Variants in LRMDA observed in about 807,000 individuals in gnomAD.
LRMDA encodes the protein leucine-rich melanocyte differentiation-associated protein.
Under a neutral mutation model 29.8 loss-of-function variants are expected in LRMDA, and 18 were observed. The observed-to-expected ratio is 0.60, with a 90% CI of 0.42 to 0.90. LRMDA has a LOEUF of 0.90. Among genes scored for constraint, LRMDA ranks in the 40% least tolerant of loss-of-function variants. The pLI is 0.00. For synonymous variants in LRMDA, 125 were observed against 109.4 expected, an observed-to-expected ratio of 1.14 and a Z score of -0.89; for missense variants, 273 against 273.9, an observed-to-expected ratio of 1.00 and a Z score of 0.02.
intron 2 of LRMDA, among the ~76,000 whole-genome samples, chr10:75,570,195 A>G (rs952108282): frequency 4.6e-5 from 7 of 152,228 alleles, no homozygotes; most frequent in African/African-American, 1.7e-4. Context: ...CCTCATCTAT[A>G]AAATGGAAGT....
intron 2 of LRMDA, among the ~76,000 whole-genome samples, chr10:75,930,240 T>G (rs1005352898): frequency 6.6e-6 from 1 of 152,118 alleles, no homozygotes; most frequent in Non-Finnish European, 1.5e-5. Context: ...AATCACTGTT[T>G]AGGAATTTAA....
intron 6 of LRMDA, among the ~76,000 whole-genome samples, chr10:76,501,402 A>G (rs545719614): frequency 6.6e-6 from 1 of 152,050 alleles, no homozygotes; most frequent in African/African-American, 2.4e-5. Context: ...TAATTGGGTT[A>G]CTGGTTGAAT....
chr10:76,358,183 G>GGT (rs994837525), intron 6 of LRMDA, among the ~76,000 whole-genome samples: 1 of 152,188 alleles, frequency 6.6e-6, no homozygotes, highest in African/African-American at 2.4e-5. Flanking sequence ...TGCAATACTT[G>GGT]GTGGTAGTAT....
At chr10:76,115,242 C>A (rs1028577189) in intron 5 of LRMDA, among the ~76,000 whole-genome samples, 2 of 152,230 alleles carry the variant, frequency 1.3e-5, no homozygotes, top group Non-Finnish European at 2.9e-5. Context: ...TTTATTACTT[C>A]TTTAAGGTGG....
At chr10:76,508,231 G>T (rs1323682878) in intron 6 of LRMDA, among the ~76,000 whole-genome samples, 1 of 152,116 alleles carries the variant, frequency 6.6e-6, no homozygotes, top group East Asian at 1.9e-4. Flanking sequence ...GTTTTCCTTT[G>T]TATTTAATAA....
At chr10:75,651,834 T>C (rs967186052) in intron 2 of LRMDA, among the ~76,000 whole-genome samples, 6 of 152,172 alleles carry the variant, frequency 3.9e-5, no homozygotes, top group Non-Finnish European at 5.9e-5. Flanking sequence ...ATGAAAGATA[T>C]GGTATGAGCC....
intron 2 of LRMDA, among the ~76,000 whole-genome samples, chr10:75,761,346 C>T (rs1294281489): frequency 6.6e-6 from 1 of 152,142 alleles, no homozygotes; most frequent in Non-Finnish European, 1.5e-5. Flanking sequence ...TAATATTATC[C>T]AGCCTTAAAA....
chr10:76,378,809 A>G (rs534902049), intron 6 of LRMDA, among the ~76,000 whole-genome samples: 120 of 148,664 alleles, frequency 8.1e-4, no homozygotes, highest in African/African-American at 2.9e-3. Context: ...ATCTATGTAC[A>G]TCAGGAGTAT....
chr10:75,775,554 G>A (rs1027182276), intron 2 of LRMDA, among the ~76,000 whole-genome samples: 3 of 152,212 alleles, frequency 2.0e-5, no homozygotes, highest in African/African-American at 7.2e-5. Flanking sequence ...TGTCCCATGT[G>A]GGGACTTAAC....
chr10:75,511,907 G>A (rs1451920206), intron 2 of LRMDA, among the ~76,000 whole-genome samples: 1 of 152,186 alleles, frequency 6.6e-6, no homozygotes, highest in East Asian at 1.9e-4. Context: ...GCCTCCCTCT[G>A]TAAGTGGCTT....
rs139540154 is a variant in LRMDA, at chr10:75,917,477, C to A, written c.132-118531C>A. Among the ~76,000 whole-genome samples the A allele has an allele frequency of 1.1e-4, 16 of 152,288 alleles. No individual in the cohort carries two copies. In the East Asian group the frequency reaches 3.1e-3, roughly 29 times the overall value. On this transcript the variant is annotated intron_variant, in intron 2 of 6. Coordinates refer to ENST00000611255, the MANE Select transcript of LRMDA (RefSeq NM_001305581.2). ...GGCCTTAGGCTAAGTTCAGGAAGGA[C>A]CCATCTGAAATACTCCTCCTAAATG...
chr10:75,912,430 G>A (rs1417147879), intron 2 of LRMDA, among the ~76,000 whole-genome samples: 1 of 152,186 alleles, frequency 6.6e-6, no homozygotes, highest in Non-Finnish European at 1.5e-5. Context: ...GGAAGAGGTT[G>A]CATCTGAATT....
chr10:76,136,746 A>G (rs1850102979), intron 5 of LRMDA, among the ~76,000 whole-genome samples: 1 of 152,196 alleles, frequency 6.6e-6, no homozygotes, highest in African/African-American at 2.4e-5. Context: ...TTCTATATTT[A>G]TATTTTACAT....
intron 2 of LRMDA, among the ~76,000 whole-genome samples, chr10:76,032,601 A>G (rs568968116): frequency 6.6e-6 from 1 of 152,320 alleles, no homozygotes; most frequent in East Asian, 1.9e-4. Flanking sequence ...GAGCCCAGGC[A>G]GAGCCCTGGG....
At chr10:76,456,833 C>T (rs377336823) in intron 6 of LRMDA, among the ~76,000 whole-genome samples, 1 of 152,232 alleles carries the variant, frequency 6.6e-6, no homozygotes, top group East Asian at 1.9e-4. Flanking sequence ...ACCATGTCAC[C>T]TCCTTCTTCC....
intron 6 of LRMDA, among the ~76,000 whole-genome samples, chr10:76,344,350 GAAA>G (rs956101680): frequency 6.6e-6 from 1 of 151,242 alleles, no homozygotes; most frequent in Admixed American, 6.6e-5. Context: ...ATATCTCCAA[GAAA>G]AAAAACCCAC....
chr10:75,519,977 T>C (rs188922504), intron 2 of LRMDA, among the ~76,000 whole-genome samples: 66 of 152,350 alleles, frequency 4.3e-4, no homozygotes, highest in Non-Finnish European at 6.3e-4. Flanking sequence ...GGTTGAAAAT[T>C]CTTTTCTTTA....
At chr10:76,206,688 A>G (rs1375375383) in intron 5 of LRMDA, among the ~76,000 whole-genome samples, 2 of 152,208 alleles carry the variant, frequency 1.3e-5, no homozygotes, top group African/African-American at 4.8e-5. Context: ...TGAGGCTCCC[A>G]AGTTAAAGAC....
At chr10:75,533,036 C>G (rs534330210) in intron 2 of LRMDA, among the ~76,000 whole-genome samples, 1 of 152,144 alleles carries the variant, frequency 6.6e-6, no homozygotes, top group Non-Finnish European at 1.5e-5. Flanking sequence ...TGGAGTATGC[C>G]TTATTACTCA....
Sources: allele counts gnomAD v4.1 joint callset (sites outside exome capture counted in the v4.1 genomes callset), GRCh38; gene constraint gnomAD v4.1.1; transcripts MANE v1.5; gene names NCBI Gene and HGNC (gene_info 2026-07-23, HGNC 2026-07-21).